The following SLC44A1 variants were observed in gnomAD, a reference collection of about 807,000 sequenced individuals.
The protein encoded by SLC44A1 is choline transporter-like protein 1.
In SLC44A1, 26 loss-of-function variants were observed where a neutral mutation model predicts 79.3. The observed-to-expected ratio is 0.33, with a 90% CI of 0.24 to 0.46. The LOEUF (loss-of-function observed/expected upper bound fraction) is 0.46, where lower values mean the gene tolerates loss of function less well. Ranked by LOEUF, SLC44A1 falls within the 20% of genes least tolerant of loss-of-function variation. The pLI is 1.00. For missense variants in SLC44A1, 688 were observed against 798.1 expected (o/e 0.86, Z 1.66); for synonymous variants, 263 against 286.2 (o/e 0.92, Z 0.82).
intron 4 of SLC44A1, among the ~76,000 whole-genome samples, chr9:105,345,050 T>C (rs1259954601): frequency 6.6e-6 from 1 of 152,216 alleles, no homozygotes; most frequent in Non-Finnish European, 1.5e-5. Context: ...TCTGGAGTTT[T>C]AGGTAGAGAC....
intron 15 of SLC44A1, among the ~76,000 whole-genome samples, chr9:105,410,996 A>G (rs1190576414): frequency 2.6e-5 from 4 of 152,210 alleles, no homozygotes; most frequent in Admixed American, 2.6e-4. Flanking sequence ...AAATCCATAG[A>G]AACAGAAAGC....
intron 1 of SLC44A1, among the ~76,000 whole-genome samples, chr9:105,295,794 G>T (rs1830707815): frequency 6.6e-6 from 1 of 152,188 alleles, no homozygotes; most frequent in Admixed American, 6.5e-5. Context: ...GATTGTGCAG[G>T]TGTGAAACCT....
intron 15 of SLC44A1, among the ~76,000 whole-genome samples, chr9:105,437,561 G>A (rs996576887): frequency 2.0e-5 from 3 of 151,840 alleles, no homozygotes; most frequent in South Asian, 2.1e-4. Flanking sequence ...ATGTATATAC[G>A]TCATTGCCCT....
chr9:105,293,143 C>T (rs1185543544), intron 1 of SLC44A1, among the ~76,000 whole-genome samples: 2 of 152,086 alleles, frequency 1.3e-5, no homozygotes, highest in Admixed American at 1.3e-4. Flanking sequence ...GGTGAGTGAG[C>T]AAGATCCTGT....
At position 105,394,455 on chromosome 9, in the gene SLC44A1, G is replaced by GTT. The variant is rs2131489748; in HGVS notation, c.*5400_*5401insTT. On this transcript the variant is annotated 3_prime_UTR_variant, in exon 16 of 16. Transcript: ENST00000374720. Reference sequence around the variant, plus strand: ...TGTGTGTGTGTGTTTGTGTGTGTGTGTGTGTGTCCTGGCGGTTATTTGGGG... The same window carrying GTT: ...TGTGTGTGTGTGTTTGTGTGTGTGTGTTTGTGTGTCCTGGCGGTTATTTGGGG... The GTT allele has an allele frequency of 1.0e-6, 1 of 983,066 alleles. No homozygotes were observed. The highest frequency in any genetic ancestry group is 1.1e-4 in the East Asian group (1 of 8,708). 60.9% of individuals were successfully genotyped at this position (983,066 alleles called of 1,614,324 possible). A position where few individuals can be genotyped will look rare whatever the true frequency, so the allele number is the denominator to read the frequency against.
intron 1 of SLC44A1, among the ~76,000 whole-genome samples, chr9:105,294,175 G>T (rs1048791543): frequency 1.2e-4 from 18 of 152,150 alleles, no homozygotes; most frequent in African/African-American, 3.9e-4. Context: ...TGTGGATATT[G>T]TTGTAGGAAT....
At chr9:105,382,056 C>T (rs529068514) in intron 13 of SLC44A1, among the ~76,000 whole-genome samples, 1 of 151,362 alleles carries the variant, frequency 6.6e-6, no homozygotes, top group Admixed American at 6.6e-5. Context: ...TGCTGTGGAT[C>T]AATATCCAAA....
chr9:105,261,775 CT>C (rs35530318), intron 1 of SLC44A1, among the ~76,000 whole-genome samples: 1,757 of 111,624 alleles, frequency 0.016, 11 homozygotes, highest in Middle Eastern at 0.057. Flanking sequence ...CTCTCTCTCT[CT>C]TTTTTTTTTT....
chr9:105,414,661 G>A (rs755018009), intron 15 of SLC44A1, among the ~76,000 whole-genome samples: 8 of 151,994 alleles, frequency 5.3e-5, no homozygotes, highest in Non-Finnish European at 7.4e-5. Context: ...TCTGGGCACC[G>A]TGGTGCACAA....
At chr9:105,424,948 C>CAAAAAAAAAAAA (rs200345209) in intron 15 of SLC44A1, among the ~76,000 whole-genome samples, 65 of 96,074 alleles carry the variant, frequency 6.8e-4, no homozygotes, top group African/African-American at 2.3e-3. Context: ...GACTCCATCT[C>CAAAAAAAAAAAA]AAAAAAAAAA....
At chr9:105,322,920 G>A (rs1475879438) in intron 3 of SLC44A1, among the ~76,000 whole-genome samples, 2 of 151,760 alleles carry the variant, frequency 1.3e-5, no homozygotes, top group Middle Eastern at 3.4e-3. Flanking sequence ...ACATTGTTGA[G>A]GCAATAAAGA....
At position 105,361,171 on chromosome 9, in the gene SLC44A1, G is replaced by A. The variant is rs570564291; in HGVS notation, c.761-20G>A. Reference sequence around the variant, plus strand: ...TCTTATCCTAATTATTGCATTAACAGTTGGGTCTTTTGTCTCCAGGAGGCA... The same window carrying A: ...TCTTATCCTAATTATTGCATTAACAATTGGGTCTTTTGTCTCCAGGAGGCA... On this transcript the variant is annotated intron_variant, in intron 7 of 15. Transcript: ENST00000374720. 6.2e-7 allele frequency: 1 copy of A among 1,612,264 alleles called. No individual in the cohort carries two copies. Among genetic ancestry groups the A allele is most frequent in the Non-Finnish European group, 8.5e-7 (1 of 1,178,308 alleles).
At chr9:105,306,601 G>A (rs1418802903) in intron 2 of SLC44A1, among the ~76,000 whole-genome samples, 2 of 136,242 alleles carry the variant, frequency 1.5e-5, no homozygotes, top group Non-Finnish European at 3.0e-5. Flanking sequence ...GCTTCTGGAA[G>A]CTACTAAGAA....
downstream of SLC44A1, among the ~76,000 whole-genome samples, chr9:105,399,936 C>T (rs191975906): frequency 2.7e-3 from 407 of 152,284 alleles, no homozygotes; most frequent in African/African-American, 9.5e-3. Context: ...TGGCTCATGC[C>T]TGTAATCCCA....
At chr9:105,271,172 C>G (rs2131230356) in intron 1 of SLC44A1, among the ~76,000 whole-genome samples, 1 of 152,314 alleles carries the variant, frequency 6.6e-6, no homozygotes, top group South Asian at 2.1e-4. Flanking sequence ...TGCAGGTTTT[C>G]TTGTTATCCC....
intron 5 of SLC44A1, among the ~76,000 whole-genome samples, chr9:105,355,654 G>T (rs985120589): frequency 2.0e-5 from 3 of 152,172 alleles, no homozygotes; most frequent in African/African-American, 7.2e-5. Flanking sequence ...GTCTCAGCAT[G>T]ACTTTGTTTA....
chr9:105,397,680 C>G (rs1487621919), downstream of SLC44A1, among the ~76,000 whole-genome samples: 1 of 151,972 alleles, frequency 6.6e-6, no homozygotes, highest in African/African-American at 2.4e-5. Context: ...CGTGGTGGCT[C>G]ACGCCTGTAA....
chr9:105,260,902 G>A (rs576660686), intron 1 of SLC44A1, among the ~76,000 whole-genome samples: 1 of 152,274 alleles, frequency 6.6e-6, no homozygotes, highest in South Asian at 2.1e-4. Context: ...TGAGGATAGG[G>A]ATGATGGGCC....
At chr9:105,280,204 A>ACT in intron 1 of SLC44A1, among the ~76,000 whole-genome samples, 1 of 152,336 alleles carries the variant, frequency 6.6e-6, no homozygotes, top group African/African-American at 2.4e-5. Flanking sequence ...TATCAAAATT[A>ACT]AAAAATAGTG....
Sources: gnomAD v4.1 joint callset for allele counts (sites outside exome capture counted in the v4.1 genomes callset) on GRCh38, gnomAD v4.1.1 for gene constraint, MANE v1.5 for transcripts, NCBI Gene and HGNC (gene_info 2026-07-23, HGNC 2026-07-21) for gene names.